Variants in PLXDC2 observed in about 807,000 individuals in gnomAD.
PLXDC2 encodes plexin domain containing 2.
In PLXDC2, 40 loss-of-function variants were observed where a neutral mutation model predicts 68.9. That is an observed-to-expected ratio of 0.58 (90% confidence interval 0.45 to 0.76). The LOEUF (loss-of-function observed/expected upper bound fraction) is 0.76. Ranked by LOEUF, PLXDC2 falls within the 30% of genes least tolerant of loss-of-function variation. The pLI is 0.00. For missense variants in PLXDC2, 644 were observed against 661.9 expected, an observed-to-expected ratio of 0.97 and a Z score of 0.30; for synonymous variants, 243 against 234.2, an observed-to-expected ratio of 1.04 and a Z score of -0.34.
At chr10:19,819,050 A>ACG (rs1253703119) in intron 1 of PLXDC2, among the ~76,000 whole-genome samples, 3 of 151,816 alleles carry the variant, frequency 2.0e-5, no homozygotes, top group Non-Finnish European at 2.9e-5. Flanking sequence ...ACACACACAC[A>ACG]CACACACACA....
chr10:20,025,394 C>G (rs540684251), intron 2 of PLXDC2, among the ~76,000 whole-genome samples: 1 of 151,964 alleles, frequency 6.6e-6, no homozygotes, highest in Admixed American at 6.6e-5. Flanking sequence ...TCCCAAGTAG[C>G]TGGGATTACA....
chr10:20,143,442 T>G (rs767728397), intron 5 of PLXDC2, 25 bp downstream of exon 5: 2 of 1,610,166 alleles, frequency 1.2e-6, no homozygotes, highest in Non-Finnish European at 1.7e-6. Flanking sequence ...GCCTATTTTT[T>G]GCTGCATGTA....
chr10:20,074,067 C>T lies in PLXDC2; in HGVS notation c.541+5828C>T, dbSNP rs1381858918. Among the ~76,000 whole-genome samples, 6 of 151,950 alleles carry T rather than the reference C, an allele frequency of 3.9e-5. No homozygotes were observed. In the East Asian group the frequency reaches 1.2e-3, roughly 29 times the overall value. ...TGGCCCCAGAATGTAAGTATGTAGA[C>T]AGATGGTGGTTCTTAATTAAGATAA... On this transcript the variant is annotated intron_variant, in intron 4 of 13. Transcript: ENST00000377252.
chr10:20,274,867 TC>T (rs1161937587), intron 13 of PLXDC2, among the ~76,000 whole-genome samples: 3 of 135,156 alleles, frequency 2.2e-5, no homozygotes, highest in Non-Finnish European at 4.6e-5. Context: ...AATCAGAATT[TC>T]AAAAAAAAAA....
intron 1 of PLXDC2, among the ~76,000 whole-genome samples, chr10:19,826,976 TA>T (rs1450077723): frequency 6.6e-6 from 1 of 152,234 alleles, no homozygotes; most frequent in Non-Finnish European, 1.5e-5. Context: ...GTGTTGGTCT[TA>T]ATTGTAATCT....
chr10:20,166,680 T>G (rs1834379422), intron 7 of PLXDC2, among the ~76,000 whole-genome samples: 4 of 152,160 alleles, frequency 2.6e-5, no homozygotes, highest in African/African-American at 7.2e-5. Flanking sequence ...TAGTCCATAT[T>G]GTTGTTCTGA....
chr10:20,038,487 C>CT (rs1208222270), intron 2 of PLXDC2, among the ~76,000 whole-genome samples: 7 of 152,068 alleles, frequency 4.6e-5, no homozygotes, highest in Non-Finnish European at 5.9e-5. Context: ...TTCTGACACT[C>CT]TAACAGTAAA....
At chr10:19,883,508 C>A (rs1837774034) in intron 1 of PLXDC2, among the ~76,000 whole-genome samples, 1 of 152,112 alleles carries the variant, frequency 6.6e-6, no homozygotes, top group South Asian at 2.1e-4. Flanking sequence ...GGTTGCTCTA[C>A]TTCCTACATG....
intron 1 of PLXDC2, among the ~76,000 whole-genome samples, chr10:19,836,633 G>T (rs965271320): frequency 6.6e-6 from 1 of 152,146 alleles, no homozygotes; most frequent in African/African-American, 2.4e-5. Context: ...TTTTATCAGT[G>T]AAGTCTGGGG....
At chr10:19,955,691 T>TA (rs1008893306) in intron 1 of PLXDC2, among the ~76,000 whole-genome samples, 25 of 149,286 alleles carry the variant, frequency 1.7e-4, no homozygotes, top group Admixed American at 3.3e-4. Flanking sequence ...ATTCCCAGCT[T>TA]AAAAAAAAAA....
At chr10:19,967,058 A>ACTG (rs1161913827) in intron 1 of PLXDC2, among the ~76,000 whole-genome samples, 1 of 152,156 alleles carries the variant, frequency 6.6e-6, no homozygotes, top group African/African-American at 2.4e-5. Context: ...CAGATTTTAT[A>ACTG]CTCAGTTGGA....
intron 4 of PLXDC2, among the ~76,000 whole-genome samples, chr10:20,107,149 A>G (rs1305760617): frequency 6.6e-6 from 1 of 151,066 alleles, no homozygotes; most frequent in Non-Finnish European, 1.5e-5. Flanking sequence ...ATTCTACATT[A>G]TGTACTGCAT....
intron 1 of PLXDC2, among the ~76,000 whole-genome samples, chr10:19,832,510 A>G (rs1836712538): frequency 6.6e-6 from 1 of 152,246 alleles, no homozygotes; most frequent in Non-Finnish European, 1.5e-5. Context: ...TGTGCTTAAA[A>G]CATATGACAT....
intron 6 of PLXDC2, among the ~76,000 whole-genome samples, chr10:20,154,563 CAAAAAAAAAA>C (rs368499790): frequency 5.1e-5 from 7 of 136,268 alleles, no homozygotes; most frequent in Admixed American, 3.0e-4. Context: ...GACTCTGTCT[CAAAAAAAAAA>C]AAAAATGTAT....
At chr10:20,132,195 C>A (rs556063739) in intron 4 of PLXDC2, among the ~76,000 whole-genome samples, 12 of 152,114 alleles carry the variant, frequency 7.9e-5, no homozygotes, top group Non-Finnish European at 1.8e-4. Flanking sequence ...TTCATTTCAT[C>A]GTGGTCTGAA....
chr10:20,193,536 G>A (rs1367127235), intron 9 of PLXDC2, among the ~76,000 whole-genome samples: 1 of 151,940 alleles, frequency 6.6e-6, no homozygotes, highest in Non-Finnish European at 1.5e-5. Flanking sequence ...GAGTTGATGG[G>A]TGTTATAAAT....
intron 9 of PLXDC2, among the ~76,000 whole-genome samples, chr10:20,201,800 G>T (rs138751029): frequency 2.2e-4 from 33 of 152,120 alleles, no homozygotes; most frequent in Non-Finnish European, 4.7e-4. Flanking sequence ...TATGGACATG[G>T]GAAAATGCCT....
At chr10:19,966,656 C>A (rs1388946422) in intron 1 of PLXDC2, among the ~76,000 whole-genome samples, 1 of 152,102 alleles carries the variant, frequency 6.6e-6, no homozygotes, top group Non-Finnish European at 1.5e-5. Flanking sequence ...ACTAGTCTTT[C>A]TCTTCCTTTT....
intron 2 of PLXDC2, among the ~76,000 whole-genome samples, chr10:20,040,010 A>G (rs1262585529): frequency 1.3e-5 from 2 of 152,180 alleles, no homozygotes; most frequent in Non-Finnish European, 2.9e-5. Flanking sequence ...GGCCAAGAGG[A>G]CCTCAGAGAA....
Sources: gnomAD v4.1 joint callset for allele counts (sites outside exome capture counted in the v4.1 genomes callset) on GRCh38, gnomAD v4.1.1 for gene constraint, MANE v1.5 for transcripts, NCBI Gene and HGNC (gene_info 2026-07-23, HGNC 2026-07-21) for gene names.